Variants in OR56A3 observed in about 807,000 individuals in gnomAD.
The protein encoded by OR56A3 is olfactory receptor 56A3.
A neutral mutation model predicts 17.5 loss-of-function variants in OR56A3; 23 were observed. That is an observed-to-expected ratio of 1.32 (90% CI 0.95 to 1.87). The LOEUF is 1.87. Among genes scored for constraint, OR56A3 ranks in the 40% most tolerant of loss-of-function variants. OR56A3 has a pLI of 0.00. For synonymous variants in OR56A3, 175 were observed against 150.6 expected, an observed-to-expected ratio of 1.16 and a Z score of -1.19; for missense variants, 366 against 380.1, an observed-to-expected ratio of 0.96 and a Z score of 0.31.
the OR56A3 span, among the ~76,000 whole-genome samples, chr11:6,010,126 T>C: frequency 6.6e-6 from 1 of 152,198 alleles, no homozygotes; most frequent in South Asian, 2.1e-4. Flanking sequence ...GCTTTTTTAC[T>C]CCATCTTTAA....
chr11:5,979,506 T>C, the OR56A3 span, among the ~76,000 whole-genome samples: 1 of 152,166 alleles, frequency 6.6e-6, no homozygotes, highest in Admixed American at 6.5e-5. Flanking sequence ...TTTGTGTCTG[T>C]AGAGATGTTC....
chr11:5,952,285 T>C (rs1269655718), downstream of OR56A3, among the ~76,000 whole-genome samples: 1 of 152,074 alleles, frequency 6.6e-6, no homozygotes, highest in Middle Eastern at 3.4e-3. Context: ...TAGTGGAAGG[T>C]GTAGGAAGAA....
At chr11:6,011,204 T>TATACATATACATATATA in the OR56A3 span, among the ~76,000 whole-genome samples, 2 of 122,524 alleles carry the variant, frequency 1.6e-5, no homozygotes, top group African/African-American at 6.1e-5. Context: ...GAGATTTATT[T>TATACATATACATATATA]TATATATATA....
chr11:5,945,952 C>T (rs1352390332), intron 2 of OR56A3, among the ~76,000 whole-genome samples: 2 of 152,224 alleles, frequency 1.3e-5, no homozygotes, highest in South Asian at 2.1e-4. Context: ...GGCTGAGAAG[C>T]GATAGAAAGG....
chr11:6,016,006 G>A, the OR56A3 span, among the ~76,000 whole-genome samples: 8 of 152,044 alleles, frequency 5.3e-5, no homozygotes, highest in Non-Finnish European at 2.9e-5. Flanking sequence ...TTGTGTCCCC[G>A]CCCAAATCTC....
the OR56A3 span, among the ~76,000 whole-genome samples, chr11:5,979,620 G>A: frequency 6.6e-6 from 1 of 151,536 alleles, no homozygotes; most frequent in African/African-American, 2.4e-5. Flanking sequence ...TTTATTATTA[G>A]CCTAGCTGAT....
the OR56A3 span, chr11:5,985,784 C>A: frequency 1.5e-6 from 1 of 668,484 alleles, no homozygotes; most frequent in Non-Finnish European, 2.4e-6. Flanking sequence ...CCCAATAAGC[C>A]AAGTATCTGT....
the OR56A3 span, among the ~76,000 whole-genome samples, chr11:6,005,865 T>C: frequency 3.3e-5 from 5 of 152,172 alleles, no homozygotes; most frequent in Non-Finnish European, 7.3e-5. Flanking sequence ...ACCATCATCT[T>C]GGAGGTGGGA....
At chr11:6,007,547 A>G in the OR56A3 span, among the ~76,000 whole-genome samples, 1 of 152,146 alleles carries the variant, frequency 6.6e-6, no homozygotes, top group African/African-American at 2.4e-5. Flanking sequence ...GTGTATCAAA[A>G]CATCACTTTT....
the OR56A3 span, among the ~76,000 whole-genome samples, chr11:6,005,937 T>C: frequency 6.6e-6 from 1 of 152,134 alleles, no homozygotes; most frequent in Non-Finnish European, 1.5e-5. Context: ...CCATAGCAGA[T>C]AGGTCAAAGG....
At chr11:5,954,425 T>TA (rs1480148586), downstream of OR56A3, among the ~76,000 whole-genome samples, 2 of 152,254 alleles carry the variant, frequency 1.3e-5, no homozygotes, top group Middle Eastern at 3.4e-3. Context: ...TGGAATGAAA[T>TA]AAGGTGGTTG....
chr11:6,005,183 T>C, the OR56A3 span, among the ~76,000 whole-genome samples: 9 of 152,174 alleles, frequency 5.9e-5, no homozygotes, highest in Non-Finnish European at 1.3e-4. Flanking sequence ...TTAGGTGTTA[T>C]TGTGGGAGGG....
rs781154190 is a variant in OR56A3, at chr11:5,947,583, C to T, written c.237C>T (p.Leu79=). ...LLSLLDIVLC[L]TVIPKVLTIF... ...CCCTGCTGGACATCGTGCTCTGCCT[C>T]ACTGTCATCCCCAAGGTCCTGACCA... The change falls in exon 3 of 3, where the codon CTC becomes CTT. Residue 79 remains leucine (L), a synonymous_variant. Coordinates refer to ENST00000641160, the MANE Select transcript of OR56A3 (RefSeq NM_001003443.3). 24 of 1,614,084 alleles carry T rather than the reference C, an allele frequency of 1.5e-5. No individual in the cohort carries two copies. In the South Asian group the frequency reaches 2.1e-4, roughly 14 times the overall value.
At chr11:5,957,850 G>A in the OR56A3 span, among the ~76,000 whole-genome samples, 1 of 152,106 alleles carries the variant, frequency 6.6e-6, no homozygotes, top group East Asian at 1.9e-4. Flanking sequence ...TATCTATTTA[G>A]CAAAGAATCC....
intron 2 of OR56A3, among the ~76,000 whole-genome samples, chr11:5,945,604 T>C (rs1194595326): frequency 8.2e-6 from 1 of 122,316 alleles, no homozygotes; most frequent in Non-Finnish European, 1.8e-5. Flanking sequence ...AAAAAAAAAA[T>C]TATTTCTTGG....
At chr11:5,952,581 G>A (rs1053855765), downstream of OR56A3, among the ~76,000 whole-genome samples, 1 of 151,294 alleles carries the variant, frequency 6.6e-6, no homozygotes, top group African/African-American at 2.4e-5. Flanking sequence ...TATTATGGTG[G>A]GGGGGTTGTA....
chr11:5,993,347 G>A, the OR56A3 span, among the ~76,000 whole-genome samples: 15 of 152,246 alleles, frequency 9.9e-5, no homozygotes, highest in African/African-American at 3.1e-4. Context: ...AAGAAGTCAA[G>A]CATAGATGGT....
chr11:5,968,234 G>A, the OR56A3 span: 5 of 1,614,058 alleles, frequency 3.1e-6, no homozygotes, highest in African/African-American at 5.3e-5. Context: ...CAAACCAGAA[G>A]ATGGCCAGGA....
the OR56A3 span, among the ~76,000 whole-genome samples, chr11:6,017,719 G>C: frequency 2.0e-5 from 3 of 152,156 alleles, no homozygotes; most frequent in Non-Finnish European, 2.9e-5. Context: ...TCATCTGTCA[G>C]TAATAACTTT....
Sources: gnomAD v4.1 joint callset for allele counts (sites outside exome capture counted in the v4.1 genomes callset) on GRCh38, gnomAD v4.1.1 for gene constraint, MANE v1.5 for transcripts, NCBI Gene and HGNC (gene_info 2026-07-23, HGNC 2026-07-21) for gene names.